The following GALNT11 variants were observed in gnomAD, a reference collection of about 807,000 sequenced individuals.
GALNT11 encodes the protein UDP-GalNAc:polypeptide N-acetylgalactosaminyltransferase 11.
Under a neutral mutation model 72.7 loss-of-function variants are expected in GALNT11, and 47 were observed. That is an observed-to-expected ratio of 0.65 (90% CI 0.51 to 0.82). The LOEUF is 0.82. Ranked by LOEUF, GALNT11 falls within the 40% of genes least tolerant of loss-of-function variation. GALNT11 has a pLI of 0.00. For synonymous variants in GALNT11, 270 were observed against 286.6 expected, an observed-to-expected ratio of 0.94 and a Z score of 0.58; for missense variants, 677 against 778.4, an observed-to-expected ratio of 0.87 and a Z score of 1.55.
rs565108084 is a variant in GALNT11, at chr7:152,079,159, A to T, written c.-38-15031A>T. On this transcript the variant is annotated intron_variant, in intron 1 of 11. Coordinates refer to ENST00000430044, the MANE Select transcript of GALNT11 (RefSeq NM_022087.4). ...GCCCATAGTCATTTTATTTCAATTT[A>T]TATTATTTGTTTTCCTTACTGTTCT... The T allele has an allele frequency of 1.1e-4, 16 of 152,262 alleles. No homozygotes were observed. In the South Asian group the frequency reaches 3.3e-3, roughly 32 times the overall value. The allele number at this position is 152,262 out of a possible 1,614,324, so 9.4% of individuals were successfully genotyped here.
At chr7:152,038,642 A>C (rs1391305333) in intron 1 of GALNT11, among the ~76,000 whole-genome samples, 1 of 152,228 alleles carries the variant, frequency 6.6e-6, no homozygotes, top group African/African-American at 2.4e-5. Flanking sequence ...GCAAAGTGAT[A>C]AAAGCAAAGG....
At chr7:152,049,418 A>G (rs1002703062) in intron 1 of GALNT11, among the ~76,000 whole-genome samples, 1 of 152,292 alleles carries the variant, frequency 6.6e-6, no homozygotes, top group Non-Finnish European at 1.5e-5. Flanking sequence ...CTTAGATAAG[A>G]TCTAGAAGAT....
chr7:152,100,888 A>G lies in GALNT11; in HGVS notation c.386A>G (p.Tyr129Cys), dbSNP rs200711472. The change falls in exon 3 of 12, where the codon TAC (tyrosine) becomes TGC (cysteine). Residue 129 changes from tyrosine (Y) to cysteine (C), a missense_variant. Coordinates refer to ENST00000430044, the MANE Select transcript of GALNT11 (RefSeq NM_022087.4). ...FNMLISDRLG[Y>C]HRDVPDTRNA... ...ATGCTTATCAGTGACCGCTTGGGCT[A>G]CCACAGAGATGTGCCAGACACAAGG... is the stretch of plus-strand genomic sequence containing the variant. 1.4e-4 allele frequency: 223 copies of G among 1,613,976 alleles called. No individual in the cohort carries two copies. The highest frequency in any genetic ancestry group is 1.7e-4 in the Non-Finnish European group (203 of 1,179,998).
At chr7:152,037,868 G>A (rs539642572) in intron 1 of GALNT11, among the ~76,000 whole-genome samples, 21 of 151,906 alleles carry the variant, frequency 1.4e-4, no homozygotes, top group South Asian at 4.2e-4. Flanking sequence ...TCCTGGGTTC[G>A]CATGATTCTC....
intron 1 of GALNT11, among the ~76,000 whole-genome samples, chr7:152,028,860 G>A (rs2082170126): frequency 6.6e-6 from 1 of 152,198 alleles, no homozygotes; most frequent in African/African-American, 2.4e-5. Context: ...TAGAAGTTTA[G>A]TTGAGCTCAT....
chr7:152,086,911 T>C (rs2085684196), intron 1 of GALNT11, among the ~76,000 whole-genome samples: 1 of 152,250 alleles, frequency 6.6e-6, no homozygotes, highest in Admixed American at 6.5e-5. Context: ...TATACTATTG[T>C]TGAATAAGAT....
At chr7:152,042,014 C>T (rs1488033511) in intron 1 of GALNT11, among the ~76,000 whole-genome samples, 2 of 152,192 alleles carry the variant, frequency 1.3e-5, no homozygotes, top group African/African-American at 4.8e-5. Context: ...CAAAGTATAT[C>T]ATGCATATAA....
intron 1 of GALNT11, among the ~76,000 whole-genome samples, chr7:152,030,195 A>G (rs952132390): frequency 1.3e-5 from 2 of 151,740 alleles, no homozygotes; most frequent in Non-Finnish European, 2.9e-5. Context: ...GGAAAGGGAG[A>G]CTCCCTTTCC....
At chr7:152,073,192 C>T (rs2084763344) in intron 1 of GALNT11, among the ~76,000 whole-genome samples, 2 of 152,146 alleles carry the variant, frequency 1.3e-5, no homozygotes, top group African/African-American at 4.8e-5. Flanking sequence ...TGAAACTCTA[C>T]AATATGTTAT....
rs1371299421 is a variant in GALNT11, at chr7:152,094,682, G to T, written c.295+160G>T. Among the ~76,000 whole-genome samples the T allele has an allele frequency of 2.6e-5, 4 of 152,232 alleles. No homozygotes were observed. The highest frequency in any genetic ancestry group is 9.6e-5 in the African/African-American group (4 of 41,452). ...AAGTTCTGTGGTTTCTGCAGACTCA[G>T]TGGGGAGTTATATTCTAATTTATCC... On this transcript the variant is annotated intron_variant, in intron 2 of 11. Coordinates refer to ENST00000430044, the MANE Select transcript of GALNT11 (RefSeq NM_022087.4). The surrounding 1 kb of genome is among the most constrained non-coding windows in gnomAD (Gnocchi z 4.3).
At chr7:152,034,093 C>T (rs2082437815) in intron 1 of GALNT11, among the ~76,000 whole-genome samples, 1 of 152,174 alleles carries the variant, frequency 6.6e-6, no homozygotes, top group Admixed American at 6.5e-5. Flanking sequence ...GTCAAATTCC[C>T]TCTCCCTACA....
Position 152,051,244 on chromosome 7 carries a change from C to T in GALNT11, c.-39+25360C>T, listed in dbSNP as rs116855346. ...TTTTTTTTCAGTAGTTTGTGCCAGC[C>T]GGGATTTTGACCAGATCCACATTTA... On this transcript the variant is annotated intron_variant, in intron 1 of 11. Coordinates refer to ENST00000430044, the MANE Select transcript of GALNT11 (RefSeq NM_022087.4). Among the ~76,000 whole-genome samples, 583 of 132,012 alleles carry T rather than the reference C, an allele frequency of 4.4e-3. 6 individuals are homozygous for T. Among genetic ancestry groups the T allele is most frequent in the African/African-American group, 5.9e-3 (192 of 32,332 alleles). 86.6% of individuals were successfully genotyped at this position (132,012 alleles called of 152,430 possible). A position where few individuals can be genotyped will look rare whatever the true frequency, so the allele number is the denominator to read the frequency against.
chr7:152,076,061 CAAAAAAAAAAAAA>C (rs71198757), intron 1 of GALNT11, among the ~76,000 whole-genome samples: 17 of 71,322 alleles, frequency 2.4e-4, no homozygotes, highest in South Asian at 2.4e-3. Flanking sequence ...GACTCCGTCT[CAAAAAAAAAAAAA>C]AAAAAAAAAA....
intron 11 of GALNT11, 74 bp downstream of exon 11, chr7:152,121,042 A>G: frequency 6.5e-7 from 1 of 1,535,550 alleles, no homozygotes; most frequent in Non-Finnish European, 8.8e-7. Flanking sequence ...TGGCAGATGA[A>G]CTCATTTTCT....
At position 152,121,624 on chromosome 7, in the gene GALNT11, GC is replaced by G; in HGVS notation, c.1776del (p.Met593TrpfsTer39). 1 of 1,614,198 alleles carries G rather than the reference GC, an allele frequency of 6.2e-7. No homozygotes were observed. The highest frequency in any genetic ancestry group is 8.5e-7 in the Non-Finnish European group (1 of 1,180,036). Reference sequence around the variant, plus strand: ...TCCCCTGGGTCAGAAGGGCTCTGTCGCCATGGCGATCTGCGATGGCTCCTCT... The same window carrying G: ...TCCCCTGGGTCAGAAGGGCTCTGTCGCATGGCGATCTGCGATGGCTCCTCT... ...VDPLGQKGSV[A>X]MAICDGSSSQ... On this transcript the variant is annotated frameshift_variant, in exon 12 of 12. Transcript: ENST00000430044. LOFTEE classifies it high-confidence loss of function.
intron 8 of GALNT11, among the ~76,000 whole-genome samples, chr7:152,116,422 G>T (rs940622855): frequency 6.6e-6 from 1 of 152,008 alleles, no homozygotes; most frequent in African/African-American, 2.4e-5. Context: ...TTTTTTCGTA[G>T]AGACACGGTT....
intron 1 of GALNT11, among the ~76,000 whole-genome samples, chr7:152,078,702 T>C (rs903733681): frequency 6.6e-6 from 1 of 152,234 alleles, no homozygotes; most frequent in Non-Finnish European, 1.5e-5. Flanking sequence ...TTCAGAATTC[T>C]GCTGAGAGTA....
In GALNT11 at chr7:152,087,386, A is replaced by G. The variant is rs2085716380; in HGVS notation, c.-38-6804A>G. ...AGTGTTCTAGACTAAGTGAAGAGCCAGTGCATAGTCCATAATGGAGTGTAA... is the reference window on the plus strand; with the variant it reads ...AGTGTTCTAGACTAAGTGAAGAGCCGGTGCATAGTCCATAATGGAGTGTAA... On this transcript the variant is annotated intron_variant, in intron 1 of 11. Transcript: ENST00000430044. Among the ~76,000 whole-genome samples, 4 of 152,368 alleles carry G rather than the reference A, an allele frequency of 2.6e-5. No individual in the cohort carries two copies. The South Asian group carries it at 8.3e-4, about 32-fold the overall frequency.
At chr7:152,035,002 GC>G (rs1260082838) in intron 1 of GALNT11, among the ~76,000 whole-genome samples, 1 of 152,140 alleles carries the variant, frequency 6.6e-6, no homozygotes, top group African/African-American at 2.4e-5. Flanking sequence ...AAGATGTTAT[GC>G]CCCAAAAATG....
Sources: gnomAD v4.1 joint callset for allele counts (sites outside exome capture counted in the v4.1 genomes callset) on GRCh38, gnomAD v4.1.1 for gene constraint, Gnocchi (gnomAD v3.1) non-coding constraint, MANE v1.5 for transcripts, NCBI Gene and HGNC (gene_info 2026-07-23, HGNC 2026-07-21) for gene names.